The following EHBP1 variants were observed in gnomAD, a reference collection of about 807,000 sequenced individuals.
EHBP1 encodes the protein EH domain binding protein 1.
In EHBP1, 55 loss-of-function variants were observed where a neutral mutation model predicts 144.0. That is an observed-to-expected ratio of 0.38 (90% CI 0.31 to 0.48). The LOEUF (loss-of-function observed/expected upper bound fraction) is 0.48, where lower values mean the gene tolerates loss of function less well. Ranked by LOEUF, EHBP1 falls within the 20% of genes least tolerant of loss-of-function variation. EHBP1 has a pLI of 0.98. For synonymous variants in EHBP1, 469 were observed against 472.7 expected (o/e 0.99, Z 0.10); for missense variants, 1,200 against 1,364.2 (o/e 0.88, Z 1.90).
intron 7 of EHBP1, among the ~76,000 whole-genome samples, chr2:62,837,461 A>C (rs1395043041): frequency 6.6e-6 from 1 of 151,938 alleles, no homozygotes; most frequent in Non-Finnish European, 1.5e-5. Flanking sequence ...CTAACATCAT[A>C]ATGACAGGAT....
At chr2:62,918,635 A>T (rs1280773107) in intron 10 of EHBP1, among the ~76,000 whole-genome samples, 1 of 152,174 alleles carries the variant, frequency 6.6e-6, no homozygotes, top group Non-Finnish European at 1.5e-5. Flanking sequence ...TCTTGAATTT[A>T]AACTTATGCC....
intron 10 of EHBP1, among the ~76,000 whole-genome samples, chr2:62,880,161 T>C (rs1182080327): frequency 6.6e-6 from 1 of 152,094 alleles, no homozygotes; most frequent in Non-Finnish European, 1.5e-5. Flanking sequence ...GATAGCCATG[T>C]AAAGAAGATT....
chr2:63,019,635 A>G (rs2060620316), intron 19 of EHBP1, among the ~76,000 whole-genome samples: 1 of 151,442 alleles, frequency 6.6e-6, no homozygotes, highest in Non-Finnish European at 1.5e-5. Context: ...TGAACCCAGA[A>G]GGTGGAGGTT....
intron 5 of EHBP1, among the ~76,000 whole-genome samples, chr2:62,803,800 T>C (rs2044230502): frequency 6.6e-6 from 1 of 152,202 alleles, no homozygotes; most frequent in Non-Finnish European, 1.5e-5. Context: ...TTCAAATTTG[T>C]GTCTTTTATG....
intron 8 of EHBP1, among the ~76,000 whole-genome samples, chr2:62,861,857 T>C (rs901500904): frequency 3.3e-5 from 5 of 152,200 alleles, no homozygotes; most frequent in African/African-American, 1.2e-4. Flanking sequence ...TTTGGTGTTG[T>C]AACTGATGAA....
At chr2:62,754,583 T>G (rs767996685) in intron 3 of EHBP1, among the ~76,000 whole-genome samples, 54 of 152,328 alleles carry the variant, frequency 3.5e-4, no homozygotes, top group Non-Finnish European at 6.9e-4. Context: ...ATGCCCTGCC[T>G]CCAGAGGTGG....
intron 5 of EHBP1, among the ~76,000 whole-genome samples, chr2:62,800,106 C>T (rs1227116099): frequency 1.3e-5 from 2 of 152,158 alleles, no homozygotes; most frequent in Non-Finnish European, 2.9e-5. Flanking sequence ...TTGGGTCTTT[C>T]GTCTCCACCT....
At chr2:62,710,423 G>A (rs57658740) in intron 2 of EHBP1, among the ~76,000 whole-genome samples, 3,131 of 151,594 alleles carry the variant, frequency 0.021, 103 homozygotes, top group African/African-American at 0.07. Flanking sequence ...AAAATATTCA[G>A]AGTGCTGTAA....
chr2:62,943,031 T>G (rs1278938916), intron 11 of EHBP1, 135 bp downstream of exon 11: 3 of 659,982 alleles, frequency 4.5e-6, no homozygotes, highest in African/African-American at 1.9e-5. Flanking sequence ...TTTTGAGAGA[T>G]ATATGTCAGA....
Position 62,757,543 on chromosome 2 carries a change from C to T in EHBP1, c.163-6723C>T, listed in dbSNP as rs528250241. On this transcript the variant is annotated intron_variant, in intron 3 of 22. Transcript: ENST00000431489. ...CCGCTTCCTGGGTTCATGCAATTCTCCTGCCTTAGTCTCCCGAGTAGCTGG... is the reference window on the plus strand; with the variant it reads ...CCGCTTCCTGGGTTCATGCAATTCTTCTGCCTTAGTCTCCCGAGTAGCTGG... Among the ~76,000 whole-genome samples the T allele has an allele frequency of 1.8e-3, 268 of 149,586 alleles. 2 individuals carry two copies. Among genetic ancestry groups the T allele is most frequent in the African/African-American group, 6.3e-3 (254 of 40,550 alleles).
intron 1 of EHBP1, among the ~76,000 whole-genome samples, chr2:62,686,082 C>T (rs184480413): frequency 2.6e-5 from 4 of 152,010 alleles, no homozygotes. Context: ...GGGTTAATTC[C>T]TAGTTTGACT....
chr2:62,955,760 G>T, intron 14 of EHBP1, 100 bp downstream of exon 14: 1 of 1,318,390 alleles, frequency 7.6e-7, no homozygotes. Context: ...TTTTTCTACG[G>T]ACTGTACATT....
chr2:62,790,397 A>G (rs536137006), intron 5 of EHBP1, among the ~76,000 whole-genome samples: 1 of 152,306 alleles, frequency 6.6e-6, no homozygotes, highest in East Asian at 1.9e-4. Context: ...TACCTGTATC[A>G]GATAATAATA....
intron 5 of EHBP1, among the ~76,000 whole-genome samples, chr2:62,825,038 G>C (rs2046246611): frequency 1.3e-5 from 2 of 151,922 alleles, no homozygotes; most frequent in South Asian, 4.1e-4. Flanking sequence ...CAAGTTTTCT[G>C]ACTTGCTCAA....
At chr2:62,786,103 A>G (rs1317317121) in intron 5 of EHBP1, among the ~76,000 whole-genome samples, 2 of 152,220 alleles carry the variant, frequency 1.3e-5, no homozygotes, top group Non-Finnish European at 2.9e-5. Flanking sequence ...TCAGTTAAAT[A>G]GATCAGATTA....
At chr2:62,735,412 TCTCTC>T (rs938860275) in intron 2 of EHBP1, among the ~76,000 whole-genome samples, 48 of 152,122 alleles carry the variant, frequency 3.2e-4, no homozygotes, top group Non-Finnish European at 5.6e-4. Context: ...TCCTAATTCT[TCTCTC>T]CTGTCACTTG....
At chr2:62,838,029 GAAT>G (rs1161337394) in intron 7 of EHBP1, among the ~76,000 whole-genome samples, 3 of 149,736 alleles carry the variant, frequency 2.0e-5, no homozygotes, top group Admixed American at 2.0e-4. Flanking sequence ...CAAATCAACA[GAAT>G]ATACATTTTT....
chr2:63,026,670 C>T (rs567155890), intron 19 of EHBP1, among the ~76,000 whole-genome samples: 24 of 152,264 alleles, frequency 1.6e-4, no homozygotes, highest in African/African-American at 5.8e-4. Flanking sequence ...TCCATTGCCT[C>T]AATTGGAATC....
chr2:62,949,732 T>TTGATATTG (rs2057279089), intron 13 of EHBP1, among the ~76,000 whole-genome samples: 1 of 152,188 alleles, frequency 6.6e-6, no homozygotes, highest in Admixed American at 6.5e-5. Context: ...TTACTTGTGG[T>TTGATATTG]TAAAAATCCC....
Sources: allele counts gnomAD v4.1 joint callset (sites outside exome capture counted in the v4.1 genomes callset), GRCh38; gene constraint gnomAD v4.1.1; transcripts MANE v1.5; gene names NCBI Gene and HGNC (gene_info 2026-07-23, HGNC 2026-07-21).